The following SLC12A8 variants were observed in gnomAD, a reference collection of about 807,000 sequenced individuals.
The protein encoded by SLC12A8 is solute carrier family 12 member 8, also known as cation-chloride cotransporter 9.
Under a neutral mutation model 75.6 loss-of-function variants are expected in SLC12A8, and 69 were observed. The observed-to-expected ratio is 0.91, with a 90% CI of 0.75 to 1.11. SLC12A8 has a LOEUF of 1.11. Among genes scored for constraint, SLC12A8 ranks in the 50% most tolerant of loss-of-function variants. The pLI, the probability that SLC12A8 is intolerant of heterozygous loss-of-function variation, is 0.00. For missense variants in SLC12A8, 877 were observed against 896.7 expected (o/e 0.98, Z 0.28); for synonymous variants, 365 against 372.8 (o/e 0.98, Z 0.24).
In SLC12A8 at chr3:125,151,187, C is replaced by G. The variant is rs1490317307; in HGVS notation, c.623-15405G>C. On this transcript the variant is annotated intron_variant, in intron 5 of 13. Transcript: ENST00000469902. ...TTCTTTTCTCTTCCTCTTCCTCCCCCTCTTTCTTTTTCATTGAGGAGGCTA... is the reference window on the plus strand; with the variant it reads ...TTCTTTTCTCTTCCTCTTCCTCCCCGTCTTTCTTTTTCATTGAGGAGGCTA... The G allele has an allele frequency of 2.6e-5, 4 of 152,254 alleles. No homozygotes were observed. In the East Asian group the frequency reaches 5.8e-4, roughly 22 times the overall value. 9.4% of individuals were successfully genotyped at this position (152,254 alleles called of 1,614,324 possible). A position where few individuals can be genotyped will look rare whatever the true frequency, so the allele number is the denominator to read the frequency against.
intron 5 of SLC12A8, among the ~76,000 whole-genome samples, chr3:125,160,096 C>T (rs1934135749): frequency 6.6e-6 from 1 of 152,200 alleles, no homozygotes; most frequent in South Asian, 2.1e-4. Context: ...GTGTGCACCA[C>T]CATGTCCAGC....
chr3:125,212,359 C>G (rs977241404), intron 1 of SLC12A8, among the ~76,000 whole-genome samples: 1 of 152,166 alleles, frequency 6.6e-6, no homozygotes, highest in Non-Finnish European at 1.5e-5. Context: ...GCAAGGGACC[C>G]CAGGCCTCCG....
At chr3:125,100,634 CTGACCTCAGG>C (rs1173182994) in intron 10 of SLC12A8, among the ~76,000 whole-genome samples, 4 of 151,562 alleles carry the variant, frequency 2.6e-5, no homozygotes, top group Admixed American at 1.3e-4. Flanking sequence ...TCTCGAACTC[CTGACCTCAGG>C]TGATCCACCT....
chr3:125,185,792 C>T (rs189068038), intron 4 of SLC12A8, among the ~76,000 whole-genome samples: 16 of 152,316 alleles, frequency 1.1e-4, no homozygotes, highest in South Asian at 2.1e-4. Context: ...ACTCCTGGCC[C>T]GCGCCAGCGA....
chr3:125,166,100 T>G (rs1424662352), intron 5 of SLC12A8, among the ~76,000 whole-genome samples: 2 of 152,066 alleles, frequency 1.3e-5, no homozygotes, highest in Non-Finnish European at 2.9e-5. Flanking sequence ...AGCCCACCGC[T>G]TCTCCTGCTC....
chr3:125,155,625 G>GCGGGCAT (rs538840861), intron 5 of SLC12A8, among the ~76,000 whole-genome samples: 1 of 119,586 alleles, frequency 8.4e-6, no homozygotes, highest in Admixed American at 8.9e-5. Context: ...CAAAAAAGTA[G>GCGGGCAT]CTGTAGTCCC....
chr3:125,098,923 G>T (rs1326729422), intron 10 of SLC12A8, among the ~76,000 whole-genome samples: 1 of 152,200 alleles, frequency 6.6e-6, no homozygotes. Flanking sequence ...GCTAGGGTGA[G>T]CAGAAGACCA....
intron 2 of SLC12A8, among the ~76,000 whole-genome samples, chr3:125,191,542 A>T (rs1281640585): frequency 6.6e-6 from 1 of 152,226 alleles, no homozygotes; most frequent in Non-Finnish European, 1.5e-5. Flanking sequence ...TGTGCAATGA[A>T]TCTGGACCTG....
At chr3:125,094,634 T>C (rs1416386528) in intron 10 of SLC12A8, among the ~76,000 whole-genome samples, 1 of 152,174 alleles carries the variant, frequency 6.6e-6, no homozygotes. Flanking sequence ...TCCCAACAAA[T>C]ACAAATATAC....
intron 2 of SLC12A8, among the ~76,000 whole-genome samples, chr3:125,195,243 C>G (rs1261656029): frequency 1.3e-5 from 2 of 152,372 alleles, no homozygotes; most frequent in Middle Eastern, 3.4e-3. Flanking sequence ...CTCTACAGCT[C>G]AGCCCTGAAA....
In SLC12A8 at chr3:125,118,825, G is replaced by A. The variant is rs766808024; in HGVS notation, c.856C>T (p.Leu286=). The part of the protein sequence containing the change: ...WFLYIIFVFL[L]GAICTREALR... Reference sequence around the variant, plus strand: ...GCCTCTCGAGTGCAGATGGCGCCCAGGAGGAAGACGAAGATGATGTACAGA... The same window carrying A: ...GCCTCTCGAGTGCAGATGGCGCCCAAGAGGAAGACGAAGATGATGTACAGA... The change falls in exon 8 of 14, where the codon CTG becomes TTG. Residue 286 remains leucine (L), a synonymous_variant. Coordinates refer to ENST00000469902, the MANE Select transcript of SLC12A8 (RefSeq NM_024628.6). 1.7e-5 allele frequency: 28 copies of A among 1,613,710 alleles called. 1 individual carries two copies. The South Asian group carries it at 3.1e-4, about 18-fold the overall frequency.
chr3:125,201,702 G>GAAA (rs141256499), intron 2 of SLC12A8, among the ~76,000 whole-genome samples: 3 of 95,558 alleles, frequency 3.1e-5, no homozygotes, highest in Non-Finnish European at 2.2e-5. Flanking sequence ...AGCCATGATT[G>GAAA]AAAAAAAAAA....
intron 8 of SLC12A8, among the ~76,000 whole-genome samples, chr3:125,112,416 T>A (rs1044745454): frequency 6.6e-6 from 1 of 152,158 alleles, no homozygotes; most frequent in African/African-American, 2.4e-5. Flanking sequence ...TTACTTTCCA[T>A]CCTGTGGGAT....
chr3:125,152,984 GGT>G, intron 5 of SLC12A8, among the ~76,000 whole-genome samples: 1 of 152,284 alleles, frequency 6.6e-6, no homozygotes, highest in East Asian at 1.9e-4. Context: ...AGGCGGAACA[GGT>G]GTGTGTGCAG....
intron 8 of SLC12A8, among the ~76,000 whole-genome samples, chr3:125,113,294 T>C (rs985584534): frequency 1.3e-5 from 2 of 152,192 alleles, no homozygotes; most frequent in Non-Finnish European, 2.9e-5. Flanking sequence ...TTGTCAATTG[T>C]GTAGAATGAT....
rs528511134 is a variant in SLC12A8 at position 125,145,797 on chromosome 3, C to T, written c.623-10015G>A. On this transcript the variant is annotated intron_variant, in intron 5 of 13. Transcript: ENST00000469902. Reference sequence around the variant, plus strand: ...TAAAAGTTTTATGAATGTGGTCTCTCTCCCTCATCTCAAAATATCTTTTTT... The same window carrying T: ...TAAAAGTTTTATGAATGTGGTCTCTTTCCCTCATCTCAAAATATCTTTTTT... 8.6e-4 allele frequency among the ~76,000 whole-genome samples: 131 copies of T among 152,310 alleles called. 1 individual carries two copies. Among genetic ancestry groups the T allele is most frequent in the South Asian group, 4.1e-3 (20 of 4,826 alleles).
chr3:125,151,980 C>T (rs776788447), intron 5 of SLC12A8, among the ~76,000 whole-genome samples: 7 of 152,160 alleles, frequency 4.6e-5, no homozygotes, highest in South Asian at 2.1e-4. Flanking sequence ...AGGAAACTGA[C>T]GCTTAGGTGA....
rs640403 is a variant in SLC12A8, at chr3:125,193,855, C to A, written c.52-3334G>T. 2.6e-5 allele frequency among the ~76,000 whole-genome samples: 4 copies of A among 152,126 alleles called. No individual in the cohort carries two copies. In the East Asian group the frequency reaches 5.8e-4, roughly 22 times the overall value. On this transcript the variant is annotated intron_variant, in intron 2 of 13. Transcript: ENST00000469902. ...AGCGCTGGGGTGATGGTTGCTGAAG[C>A]TTAGGCCAGTTCCAGGCTCTCTTGT...
chr3:125,123,811 A>G (rs16836458), intron 6 of SLC12A8, among the ~76,000 whole-genome samples: 19,736 of 152,224 alleles, frequency 0.13, 1,612 homozygotes, highest in Middle Eastern at 0.25. Flanking sequence ...AAACCATATC[A>G]TGACATAGTG....
Sources: gnomAD v4.1 joint callset for allele counts (sites outside exome capture counted in the v4.1 genomes callset) on GRCh38, gnomAD v4.1.1 for gene constraint, MANE v1.5 for transcripts, NCBI Gene and HGNC (gene_info 2026-07-23, HGNC 2026-07-21) for gene names.